The following SAAL1 variants were observed in gnomAD, a reference collection of about 807,000 sequenced individuals.
SAAL1 encodes the protein protein SAAL1.
SAAL1 carries 42 observed loss-of-function variants against 59.8 expected under a neutral mutation model. The observed-to-expected ratio is 0.70, with a 90% confidence interval of 0.55 to 0.91. The LOEUF (loss-of-function observed/expected upper bound fraction) is 0.91, where lower values mean the gene tolerates loss of function less well. Among genes scored for constraint, SAAL1 ranks in the 40% least tolerant of loss-of-function variants. SAAL1 has a pLI of 0.00. For missense variants in SAAL1, 542 were observed against 561.1 expected, an observed-to-expected ratio of 0.97 and a Z score of 0.34; for synonymous variants, 191 against 194.3, an observed-to-expected ratio of 0.98 and a Z score of 0.14.
chr11:18,105,813 A>G (rs941572126), intron 1 of SAAL1, 94 bp downstream of exon 1: 1 of 1,413,170 alleles, frequency 7.1e-7, no homozygotes, highest in Non-Finnish European at 9.3e-7. Flanking sequence ...CTTTGTGGGG[A>G]TGGCGGCTCC....
chr11:18,101,178 G>A (rs1051907821), intron 2 of SAAL1, among the ~76,000 whole-genome samples: 5 of 152,138 alleles, frequency 3.3e-5, no homozygotes, highest in African/African-American at 1.2e-4. Context: ...CACTGCTTGT[G>A]GTTATGTAAA....
chr11:18,080,453 C>A lies in SAAL1; in HGVS notation c.1371G>T (p.Lys457Asn), dbSNP rs1223132800. The change falls in exon 12 of 12, where the codon AAG becomes AAT. Residue 457 changes from lysine (K) to asparagine (N), a missense_variant. Transcript: ENST00000524803. Reference sequence around the variant, plus strand: ...TTTTTTCCAAGTCATCAGCAAGCGCCTTATCAACTTCACGTAGGATTTTAA... The same window carrying A: ...TTTTTTCCAAGTCATCAGCAAGCGCATTATCAACTTCACGTAGGATTTTAA... ...DFIKILREVDKALADDLEKNF... is the reference protein window; with the variant it reads ...DFIKILREVDNALADDLEKNF... The A allele has an allele frequency of 1.3e-6, 2 of 1,589,418 alleles. No homozygotes were observed. The highest frequency in any genetic ancestry group is 2.7e-5 in the African/African-American group (2 of 73,128).
chr11:18,099,941 G>C (rs61882527), intron 2 of SAAL1, among the ~76,000 whole-genome samples: 7 of 152,194 alleles, frequency 4.6e-5, no homozygotes, highest in Non-Finnish European at 1.5e-5. Context: ...TGTCAGTGGA[G>C]AGCTCAGTTC....
At chr11:18,099,299 C>G (rs1044101429) in intron 2 of SAAL1, among the ~76,000 whole-genome samples, 6 of 152,314 alleles carry the variant, frequency 3.9e-5, no homozygotes, top group African/African-American at 1.4e-4. Context: ...ACCAGCACAA[C>G]ATGCTACCTC....
At chr11:18,105,153 C>G (rs1848674660) in intron 1 of SAAL1, among the ~76,000 whole-genome samples, 1 of 151,886 alleles carries the variant, frequency 6.6e-6, no homozygotes, top group Admixed American at 6.6e-5. Context: ...TGACCTGCAG[C>G]TAGTGGGTAA....
chr11:18,092,573 A>G (rs1391512554), intron 3 of SAAL1, among the ~76,000 whole-genome samples: 2 of 152,210 alleles, frequency 1.3e-5, no homozygotes, highest in Non-Finnish European at 2.9e-5. Flanking sequence ...TATCGATAAA[A>G]TGAGTTTTAA....
At chr11:18,097,527 T>C (rs1438435819) in intron 2 of SAAL1, among the ~76,000 whole-genome samples, 1 of 152,148 alleles carries the variant, frequency 6.6e-6, no homozygotes, top group Non-Finnish European at 1.5e-5. Context: ...GGTATTAAAC[T>C]AGAAGCGGGG....
At chr11:18,099,451 A>G (rs185717649) in intron 2 of SAAL1, among the ~76,000 whole-genome samples, 91 of 152,388 alleles carry the variant, frequency 6.0e-4, no homozygotes, top group African/African-American at 1.9e-3. Flanking sequence ...AAAGAAATGA[A>G]CAAACAATAA....
rs1451062588 is a variant in SAAL1, at chr11:18,080,508, C to CAAACAAA, written c.1333-24_1333-18dup. 1 of 1,540,850 alleles carries CAAACAAA rather than the reference C, an allele frequency of 6.5e-7. No individual in the cohort carries two copies. The highest frequency in any genetic ancestry group is 8.8e-7 in the Non-Finnish European group (1 of 1,138,080). The stretch of plus-strand genomic sequence containing the variant: ...ATCTTCCACCTGTGAGTCAAACAAA[C>CAAACAAA]AAACAAAAATCAAACACAGAAGAGA... On this transcript the variant is annotated splice_polypyrimidine_tract_variant and intron_variant, in intron 11 of 11. Coordinates refer to ENST00000524803, the MANE Select transcript of SAAL1 (RefSeq NM_138421.3).
chr11:18,105,984 C>T lies in SAAL1; in HGVS notation c.58G>A (p.Val20Met). 4 of 1,512,826 alleles carry T rather than the reference C, an allele frequency of 2.6e-6. No homozygotes were observed. Among genetic ancestry groups the T allele is most frequent in the South Asian group, 2.4e-5 (2 of 81,672 alleles). The allele number at this position is 1,512,826 out of a possible 1,614,324, so 93.7% of individuals were successfully genotyped here. A position where few individuals can be genotyped will look rare whatever the true frequency, so the allele number is the denominator to read the frequency against. The change falls in exon 1 of 12, where the codon GTG (valine) becomes ATG (methionine). Residue 20 changes from valine (V) to methionine (M), a missense_variant. Val to Met is a conservative substitution (Grantham distance 21, BLOSUM62 1). Transcript: ENST00000524803. ...PGRDKEEEEE[V>M]AGGDCIGSTV... Reference sequence around the variant, plus strand: ...CTCCCTATGCAGTCTCCACCGGCCACCTCCTCCTCCTCCTCCTTGTCGCGA... The same window carrying T: ...CTCCCTATGCAGTCTCCACCGGCCATCTCCTCCTCCTCCTCCTTGTCGCGA...
chr11:18,085,231 G>C, intron 9 of SAAL1, among the ~76,000 whole-genome samples: 1 of 152,122 alleles, frequency 6.6e-6, no homozygotes, highest in South Asian at 2.1e-4. Context: ...AGATAGACAA[G>C]TGATAAAATA....
intron 4 of SAAL1, among the ~76,000 whole-genome samples, chr11:18,091,318 C>G (rs578234703): frequency 6.6e-6 from 1 of 152,154 alleles, no homozygotes; most frequent in Non-Finnish European, 1.5e-5. Flanking sequence ...AATATTAAGA[C>G]AAGCATTTAA....
intron 9 of SAAL1, 78 bp from the exon 10 acceptor site, chr11:18,083,809 G>T: frequency 1.1e-6 from 1 of 881,634 alleles, no homozygotes; most frequent in Non-Finnish European, 1.7e-6. Flanking sequence ...ATTAGTGCTA[G>T]ACATTATTAT....
At chr11:18,105,481 C>A (rs1485569083) in intron 1 of SAAL1, among the ~76,000 whole-genome samples, 1 of 151,852 alleles carries the variant, frequency 6.6e-6, no homozygotes, top group Non-Finnish European at 1.5e-5. Context: ...TCAGAAGCCA[C>A]GTTTTTAATA....
intron 1 of SAAL1, among the ~76,000 whole-genome samples, chr11:18,103,975 T>A (rs953182303): frequency 3.3e-4 from 51 of 152,296 alleles, no homozygotes; most frequent in Admixed American, 9.8e-4. Context: ...CCACCATCAC[T>A]CACTAACTCA....
intron 9 of SAAL1, among the ~76,000 whole-genome samples, chr11:18,084,608 C>T (rs72875772): frequency 0.019 from 2,876 of 152,288 alleles, 44 homozygotes; most frequent in Non-Finnish European, 0.028. Context: ...CACATGACTC[C>T]CTCCATTCTG....
In SAAL1 at chr11:18,083,596, A is replaced by G. The variant is rs1443813988; in HGVS notation, c.1178T>C (p.Leu393Ser). ...ACATAAAATATCCTTTAAGATTTTC[A>G]AGTGGAAATCATCTTGGGTTAAATC... ...RTDLTQDDFH[L>S]KILKDILCEF... is the part of the protein sequence containing the mutation. Residue 393 changes from leucine to serine, a missense_variant, in exon 10 of 12, where the codon TTG becomes TCG. Leu to Ser is a moderately radical substitution (Grantham distance 145). Coordinates refer to ENST00000524803, the MANE Select transcript of SAAL1 (RefSeq NM_138421.3). 10 of 1,601,254 alleles carry G rather than the reference A, an allele frequency of 6.2e-6. No individual in the cohort carries two copies. Among genetic ancestry groups the G allele is most frequent in the Non-Finnish European group, 8.6e-6 (10 of 1,168,828 alleles).
chr11:18,082,465 T>C (rs761843627), intron 10 of SAAL1, among the ~76,000 whole-genome samples: 2 of 149,288 alleles, frequency 1.3e-5, no homozygotes, highest in Non-Finnish European at 2.9e-5. Context: ...TTTGACAAAA[T>C]ATGGCCATCA....
intron 7 of SAAL1, among the ~76,000 whole-genome samples, chr11:18,087,619 T>C (rs1564870302): frequency 6.6e-6 from 1 of 152,196 alleles, no homozygotes; most frequent in Non-Finnish European, 1.5e-5. Context: ...TCAACAATAA[T>C]GATGTTCTGA....
Sources: allele counts gnomAD v4.1 joint callset (sites outside exome capture counted in the v4.1 genomes callset), GRCh38; gene constraint gnomAD v4.1.1; transcripts MANE v1.5; gene names NCBI Gene and HGNC (gene_info 2026-07-23, HGNC 2026-07-21).